The following NRXN3 variants were observed in gnomAD, a reference collection of about 807,000 sequenced individuals.
The protein encoded by NRXN3 is neurexin III.
A neutral mutation model predicts 137.6 loss-of-function variants in NRXN3; 32 were observed. The ratio of observed to expected loss-of-function variants is 0.23; its 90% CI spans 0.18 to 0.31. The LOEUF (loss-of-function observed/expected upper bound fraction) is 0.31. Among genes scored for constraint, NRXN3 ranks in the 10% least tolerant of loss-of-function variants. NRXN3 has a pLI of 1.00. For missense variants in NRXN3, 1,574 were observed against 2,062.5 expected (o/e 0.76, Z 4.59); for synonymous variants, 798 against 784.5 (o/e 1.02, Z -0.29).
intron 15 of NRXN3, among the ~76,000 whole-genome samples, chr14:79,334,394 C>A (rs1476602952): frequency 6.6e-6 from 1 of 152,116 alleles, no homozygotes; most frequent in Non-Finnish European, 1.5e-5. Flanking sequence ...GTAAGGATAT[C>A]CAAGAAGAGC....
At position 79,820,246 on chromosome 14, in the gene NRXN3, G is replaced by T. The variant is rs75502845; in HGVS notation, c.4093+15056G>T. The stretch of plus-strand genomic sequence containing the variant: ...AGGCAGTGAATGAGGAGGACACAAT[G>T]GAGTGGGCACCATATCTAGGACTCC... On this transcript the variant is annotated intron_variant, in intron 20 of 20. Coordinates refer to ENST00000335750, the MANE Select transcript of NRXN3 (RefSeq NM_001330195.2). Among the ~76,000 whole-genome samples the T allele has an allele frequency of 2.2e-3, 342 of 152,300 alleles. 12 individuals are homozygous for T. The East Asian group carries it at 0.045, about 20-fold the overall frequency.
intron 15 of NRXN3, among the ~76,000 whole-genome samples, chr14:79,322,682 G>A (rs962000521): frequency 1.3e-5 from 2 of 152,164 alleles, no homozygotes; most frequent in East Asian, 1.9e-4. Flanking sequence ...AAATAAATAA[G>A]CACAATCAGT....
intron 4 of NRXN3, among the ~76,000 whole-genome samples, chr14:78,304,375 A>G (rs1271321464): frequency 6.6e-6 from 1 of 152,254 alleles, no homozygotes; most frequent in Non-Finnish European, 1.5e-5. Flanking sequence ...TAGTAAATCC[A>G]TAATGGAAAG....
intron 15 of NRXN3, among the ~76,000 whole-genome samples, chr14:79,051,646 G>A (rs1419143195): frequency 2.6e-5 from 4 of 152,172 alleles, no homozygotes; most frequent in Admixed American, 6.5e-5. Flanking sequence ...TATGGAGCTG[G>A]CATCAAACTG....
At chr14:79,609,574 C>T (rs2098072408) in intron 16 of NRXN3, among the ~76,000 whole-genome samples, 1 of 152,158 alleles carries the variant, frequency 6.6e-6, no homozygotes, top group Non-Finnish European at 1.5e-5. Context: ...ATCATTATAT[C>T]TTTAATGAGG....
intron 15 of NRXN3, among the ~76,000 whole-genome samples, chr14:78,998,923 G>A (rs765051160): frequency 2.2e-4 from 33 of 152,106 alleles, no homozygotes; most frequent in Non-Finnish European, 3.7e-4. Context: ...GAAAACACTT[G>A]ATTAAGCTCA....
At chr14:78,941,834 C>T (rs1168885448) in intron 10 of NRXN3, among the ~76,000 whole-genome samples, 1 of 152,154 alleles carries the variant, frequency 6.6e-6, no homozygotes, top group African/African-American at 2.4e-5. Flanking sequence ...TCTCTAGCAC[C>T]CCTGTGCCAT....
chr14:79,443,174 A>C (rs1367620026), intron 15 of NRXN3, among the ~76,000 whole-genome samples: 2 of 152,244 alleles, frequency 1.3e-5, no homozygotes, highest in African/African-American at 4.8e-5. Context: ...AGACCCTTAG[A>C]GTTCATGTAT....
At chr14:78,971,067 A>T (rs2099437432) in intron 14 of NRXN3, among the ~76,000 whole-genome samples, 1 of 152,204 alleles carries the variant, frequency 6.6e-6, no homozygotes, top group Non-Finnish European at 1.5e-5. Flanking sequence ...TAAGGCATAA[A>T]TTACTGTCAT....
intron 4 of NRXN3, among the ~76,000 whole-genome samples, chr14:78,500,634 T>C (rs561047942): frequency 2.2e-4 from 34 of 152,288 alleles, no homozygotes; most frequent in African/African-American, 6.7e-4. Flanking sequence ...TACATGCATC[T>C]GACTGAGAAA....
intron 4 of NRXN3, among the ~76,000 whole-genome samples, chr14:78,609,109 A>C (rs2097277657): frequency 6.6e-6 from 1 of 152,154 alleles, no homozygotes; most frequent in Non-Finnish European, 1.5e-5. Context: ...AAAGACTTTG[A>C]ATAGCTCAGT....
intron 3 of NRXN3, among the ~76,000 whole-genome samples, chr14:78,292,082 A>C (rs2075860504): frequency 6.6e-6 from 1 of 152,218 alleles, no homozygotes. Context: ...GGAGGCCTTC[A>C]ACTTCTGGCC....
intron 19 of NRXN3, among the ~76,000 whole-genome samples, chr14:79,761,953 A>T (rs2099040196): frequency 6.6e-6 from 1 of 151,590 alleles, no homozygotes. Context: ...CTGACCCTGC[A>T]CTCAGCATAA....
intron 20 of NRXN3, among the ~76,000 whole-genome samples, chr14:79,839,133 G>A (rs1015677048): frequency 1.3e-5 from 2 of 152,004 alleles, no homozygotes; most frequent in Middle Eastern, 3.4e-3. Context: ...TAAGCAGAGG[G>A]TACTTTCTTA....
At chr14:79,116,437 C>T (rs11625343) in intron 15 of NRXN3, among the ~76,000 whole-genome samples, 49,197 of 152,030 alleles carry the variant, frequency 0.32, 8,514 homozygotes, top group Admixed American at 0.46. Context: ...TTTGTTCTGC[C>T]GGGCTGACCC....
intron 6 of NRXN3, among the ~76,000 whole-genome samples, chr14:78,708,825 C>T (rs549633538): frequency 2.6e-5 from 4 of 152,304 alleles, no homozygotes; most frequent in African/African-American, 9.6e-5. Flanking sequence ...AACGCTGTGC[C>T]ATCTGCTATT....
intron 4 of NRXN3, among the ~76,000 whole-genome samples, chr14:78,506,832 G>A (rs2096004420): frequency 6.6e-6 from 1 of 151,712 alleles, no homozygotes; most frequent in African/African-American, 2.4e-5. Context: ...ATCACACCTG[G>A]TTCTCACTGT....
intron 15 of NRXN3, among the ~76,000 whole-genome samples, chr14:79,359,357 C>T (rs2093603714): frequency 6.6e-6 from 1 of 151,958 alleles, no homozygotes; most frequent in Admixed American, 6.6e-5. Flanking sequence ...TTATTTTCTG[C>T]ATAGTTTCCC....
chr14:78,969,089 T>G (rs758916021), intron 14 of NRXN3, among the ~76,000 whole-genome samples: 9 of 152,208 alleles, frequency 5.9e-5, no homozygotes, highest in Non-Finnish European at 1.0e-4. Flanking sequence ...ACACATAAAA[T>G]GCCTGGTATG....
Sources: allele counts gnomAD v4.1 joint callset (sites outside exome capture counted in the v4.1 genomes callset), GRCh38; gene constraint gnomAD v4.1.1; transcripts MANE v1.5; gene names NCBI Gene and HGNC (gene_info 2026-07-23, HGNC 2026-07-21).